C1orf21: variants seen among roughly 807,000 people sequenced by gnomAD.
The protein encoded by C1orf21 is chromosome 1 open reading frame 21.
Under a neutral mutation model 18.7 loss-of-function variants are expected in C1orf21, and 3 were observed. The observed-to-expected ratio is 0.16, with a 90% CI of 0.07 to 0.42. The LOEUF (loss-of-function observed/expected upper bound fraction) is 0.42. C1orf21 is among the 10% of genes least tolerant of loss of function. The pLI, the probability that C1orf21 is intolerant of heterozygous loss-of-function variation, is 0.99. For missense variants in C1orf21, 104 were observed against 143.6 expected, an observed-to-expected ratio of 0.72 and a Z score of 1.41; for synonymous variants, 41 against 46.4, an observed-to-expected ratio of 0.88 and a Z score of 0.47.
At chr1:184,607,511 A>T (rs1165879135) in intron 5 of C1orf21, among the ~76,000 whole-genome samples, 1 of 152,178 alleles carries the variant, frequency 6.6e-6, no homozygotes. Flanking sequence ...AAAACTAAGT[A>T]TCCACCCATG....
chr1:184,563,260 A>C (rs1390756168), intron 3 of C1orf21, among the ~76,000 whole-genome samples: 1 of 152,194 alleles, frequency 6.6e-6, no homozygotes, highest in Non-Finnish European at 1.5e-5. Context: ...CAAGTTCTTA[A>C]ATGTGATAGG....
chr1:184,551,770 G>T lies in C1orf21; in HGVS notation c.190-38969G>T, dbSNP rs570239656. On this transcript the variant is annotated intron_variant, in intron 3 of 5. Transcript: ENST00000235307. ...GCCTATAATCCCAGCACTTTTGGAGGCTGAGGTGGGAGCATCACTCGAGGC... is the reference window on the plus strand; with the variant it reads ...GCCTATAATCCCAGCACTTTTGGAGTCTGAGGTGGGAGCATCACTCGAGGC... Among the ~76,000 whole-genome samples the T allele has an allele frequency of 1.1e-3, 167 of 152,232 alleles. 1 individual carries two copies. Among genetic ancestry groups the T allele is most frequent in the Middle Eastern group, 0.01 (3 of 294 alleles).
At chr1:184,536,549 G>A (rs1300090834) in intron 3 of C1orf21, among the ~76,000 whole-genome samples, 3 of 152,318 alleles carry the variant, frequency 2.0e-5, no homozygotes, top group South Asian at 2.1e-4. Context: ...TGGCTGTCAC[G>A]TCATGTCCAG....
intron 3 of C1orf21, among the ~76,000 whole-genome samples, chr1:184,540,524 G>A (rs554955086): frequency 3.9e-5 from 6 of 152,112 alleles, no homozygotes; most frequent in South Asian, 2.1e-4. Flanking sequence ...CCACCTCCTG[G>A]GTTCAAGCAA....
At chr1:184,474,973 C>T (rs1657548228) in intron 1 of C1orf21, among the ~76,000 whole-genome samples, 1 of 152,142 alleles carries the variant, frequency 6.6e-6, no homozygotes, top group African/African-American at 2.4e-5. Flanking sequence ...GCAGCAATAG[C>T]AGCAGCAATA....
intron 1 of C1orf21, among the ~76,000 whole-genome samples, chr1:184,430,633 G>A (rs1252939117): frequency 6.6e-6 from 1 of 152,102 alleles, no homozygotes; most frequent in Admixed American, 6.6e-5. Context: ...ATACGAGGTC[G>A]AGACCTGTTA....
At chr1:184,394,342 T>G (rs958850626) in intron 1 of C1orf21, among the ~76,000 whole-genome samples, 9 of 152,134 alleles carry the variant, frequency 5.9e-5, no homozygotes, top group Admixed American at 4.6e-4. Flanking sequence ...TAGAATATAT[T>G]TTACTTTGCC....
chr1:184,619,334 A>C (rs1249790013), intron 5 of C1orf21, among the ~76,000 whole-genome samples, 184 bp from the exon 6 acceptor site: 1 of 152,014 alleles, frequency 6.6e-6, no homozygotes, highest in African/African-American at 2.4e-5. Context: ...CTTGAAGTAT[A>C]TATAGCTTAT....
intron 2 of C1orf21, among the ~76,000 whole-genome samples, chr1:184,480,064 G>A (rs1048285240): frequency 8.5e-5 from 13 of 152,284 alleles, no homozygotes; most frequent in East Asian, 1.9e-4. Flanking sequence ...GAAGTGTTAC[G>A]AGGTAGAATA....
chr1:184,593,203 C>T (rs1659463780), intron 4 of C1orf21, among the ~76,000 whole-genome samples: 1 of 152,166 alleles, frequency 6.6e-6, no homozygotes, highest in Non-Finnish European at 1.5e-5. Context: ...TGAAGCAGCA[C>T]ACTTCACAGA....
chr1:184,480,486 T>G (rs1465480424), intron 2 of C1orf21, among the ~76,000 whole-genome samples: 2 of 152,128 alleles, frequency 1.3e-5, no homozygotes, highest in Non-Finnish European at 2.9e-5. Context: ...CACTTAACCA[T>G]CCCTTCACAA....
At chr1:184,507,458 C>T in intron 2 of C1orf21, 130 bp from the exon 3 acceptor site, 3 of 694,916 alleles carry the variant, frequency 4.3e-6, no homozygotes, top group Non-Finnish European at 7.1e-6. Context: ...CCAGATTGTT[C>T]CAAATGAACC....
At chr1:184,614,748 C>T (rs1274684507) in intron 5 of C1orf21, among the ~76,000 whole-genome samples, 1 of 152,212 alleles carries the variant, frequency 6.6e-6, no homozygotes, top group Non-Finnish European at 1.5e-5. Flanking sequence ...ACTGACAGAT[C>T]ATCAGGCATT....
chr1:184,617,818 A>G (rs1571304745), intron 5 of C1orf21, among the ~76,000 whole-genome samples: 1 of 152,006 alleles, frequency 6.6e-6, no homozygotes, highest in Non-Finnish European at 1.5e-5. Context: ...GGAGCAAGCA[A>G]TCTGGGGCCA....
chr1:184,605,355 A>G (rs1329802685), intron 5 of C1orf21, among the ~76,000 whole-genome samples: 1 of 152,212 alleles, frequency 6.6e-6, no homozygotes, highest in Non-Finnish European at 1.5e-5. Flanking sequence ...CAGCTCCCTA[A>G]GGATAAGAAT....
At chr1:184,389,360 C>T (rs1487139299) in intron 1 of C1orf21, among the ~76,000 whole-genome samples, 1 of 152,108 alleles carries the variant, frequency 6.6e-6, no homozygotes, top group Non-Finnish European at 1.5e-5. Flanking sequence ...AAAAGTTCAT[C>T]CTAGAAGGAC....
At chr1:184,419,837 G>A (rs1252042385) in intron 1 of C1orf21, among the ~76,000 whole-genome samples, 1 of 152,166 alleles carries the variant, frequency 6.6e-6, no homozygotes, top group Non-Finnish European at 1.5e-5. Flanking sequence ...GGAGGGATGA[G>A]CAAAGGGGAG....
At chr1:184,562,567 T>C (rs1005272700) in intron 3 of C1orf21, among the ~76,000 whole-genome samples, 13 of 152,196 alleles carry the variant, frequency 8.5e-5, no homozygotes, top group African/African-American at 2.9e-4. Context: ...GGAGAAGCAA[T>C]GTATGAAGCA....
chr1:184,607,553 A>G (rs10911621), intron 5 of C1orf21, among the ~76,000 whole-genome samples: 33,077 of 151,898 alleles, frequency 0.22, 3,773 homozygotes, highest in East Asian at 0.31. Flanking sequence ...CTCCATATTC[A>G]TACAGTGCAA....
Sources: allele counts gnomAD v4.1 joint callset (sites outside exome capture counted in the v4.1 genomes callset), GRCh38; gene constraint gnomAD v4.1.1; transcripts MANE v1.5; gene names NCBI Gene and HGNC (gene_info 2026-07-23, HGNC 2026-07-21).